The following CNTLN variants were observed in gnomAD, a reference collection of about 807,000 sequenced individuals.
CNTLN encodes centlein, centrosomal protein.
CNTLN carries 212 observed loss-of-function variants against 180.0 expected under a neutral mutation model. That is an observed-to-expected ratio of 1.18 (90% CI 1.05 to 1.32). The LOEUF is 1.32. Among genes scored for constraint, CNTLN ranks in the 40% most tolerant of loss-of-function variants. CNTLN has a pLI of 0.00. For missense variants in CNTLN, 2,095 were observed against 1,610.9 expected (o/e 1.30, Z -5.14); for synonymous variants, 722 against 563.1 (o/e 1.28, Z -3.99).
At chr9:17,453,586 C>T (rs995578997) in intron 18 of CNTLN, among the ~76,000 whole-genome samples, 7 of 152,148 alleles carry the variant, frequency 4.6e-5, no homozygotes, top group Admixed American at 1.3e-4. Flanking sequence ...ACAACATATG[C>T]ATTCGTTACC....
chr9:17,334,769 G>A (rs1564003932), intron 10 of CNTLN, among the ~76,000 whole-genome samples: 1 of 152,138 alleles, frequency 6.6e-6, no homozygotes, highest in Non-Finnish European at 1.5e-5. Context: ...AACTGCAAAA[G>A]GAAGGGAGCA....
chr9:17,161,064 A>G (rs1207573903), intron 2 of CNTLN, among the ~76,000 whole-genome samples: 2 of 152,160 alleles, frequency 1.3e-5, no homozygotes, highest in Non-Finnish European at 2.9e-5. Context: ...ATATTAATGT[A>G]ATTATTTGAT....
At chr9:17,208,490 G>T (rs2131941585) in intron 2 of CNTLN, among the ~76,000 whole-genome samples, 1 of 152,296 alleles carries the variant, frequency 6.6e-6, no homozygotes, top group Non-Finnish European at 1.5e-5. Context: ...CTTGTTGAAT[G>T]AATTTGGAAG....
At chr9:17,287,119 T>C (rs1279987277) in intron 6 of CNTLN, among the ~76,000 whole-genome samples, 4 of 123,088 alleles carry the variant, frequency 3.2e-5, no homozygotes. Context: ...TTTTTGCCCA[T>C]TCAGTATGAT....
At chr9:17,172,940 C>G (rs1341777065) in intron 2 of CNTLN, among the ~76,000 whole-genome samples, 2 of 152,008 alleles carry the variant, frequency 1.3e-5, no homozygotes, top group African/African-American at 4.8e-5. Context: ...CTCAGGGAAA[C>G]CTGAGGGAAA....
intron 13 of CNTLN, among the ~76,000 whole-genome samples, chr9:17,386,566 G>A (rs1380260289): frequency 2.6e-5 from 4 of 152,134 alleles, no homozygotes; most frequent in African/African-American, 9.7e-5. Flanking sequence ...CAGAAAATTG[G>A]ATCCTTGTTT....
At chr9:17,294,769 C>T (rs1171078239) in intron 6 of CNTLN, among the ~76,000 whole-genome samples, 6 of 71,170 alleles carry the variant, frequency 8.4e-5, no homozygotes, top group African/African-American at 3.4e-4. Context: ...GAGCCCACCG[C>T]GGGGGGAGTG....
At chr9:17,234,196 C>T (rs1454624536) in intron 3 of CNTLN, among the ~76,000 whole-genome samples, 1 of 152,134 alleles carries the variant, frequency 6.6e-6, no homozygotes, top group African/African-American at 2.4e-5. Flanking sequence ...GTGGCTCACA[C>T]CTGTTATCTC....
chr9:17,452,540 T>C (rs78836846), intron 18 of CNTLN, among the ~76,000 whole-genome samples: 2,818 of 152,328 alleles, frequency 0.018, 86 homozygotes, highest in African/African-American at 0.064. Context: ...AGCTTCCTGT[T>C]TTGTTTCTTC....
intron 2 of CNTLN, among the ~76,000 whole-genome samples, chr9:17,189,809 C>G (rs1016529302): frequency 2.6e-5 from 4 of 152,010 alleles, no homozygotes; most frequent in East Asian, 1.9e-4. Context: ...TATGATCGTT[C>G]TGGGGACTGT....
At chr9:17,178,594 G>C (rs146563813) in intron 2 of CNTLN, among the ~76,000 whole-genome samples, 5 of 152,084 alleles carry the variant, frequency 3.3e-5, no homozygotes, top group Non-Finnish European at 7.4e-5. Flanking sequence ...GCTAAGGCCC[G>C]GTGAGAAATC....
At chr9:17,345,826 T>G (rs1411708008) in intron 12 of CNTLN, among the ~76,000 whole-genome samples, 2 of 152,116 alleles carry the variant, frequency 1.3e-5, no homozygotes, top group African/African-American at 4.8e-5. Context: ...AATTTATGTA[T>G]GGGTAAATAT....
Position 17,298,203 on chromosome 9 carries a change from G to C in CNTLN, c.997G>C (p.Glu333Gln), listed in dbSNP as rs1483841963. The C allele has an allele frequency of 1.3e-6, 2 of 1,523,714 alleles. No individual in the cohort carries two copies. Among genetic ancestry groups the C allele is most frequent in the Non-Finnish European group, 1.8e-6 (2 of 1,136,702 alleles). 94.4% of individuals were successfully genotyped at this position (1,523,714 alleles called of 1,614,324 possible). ...TGCTTTGCACAGGAAGGAACTGCAG[G>C]AGCTGCAGAATCTTTACAAACAGAA... ...DITLVRKELQ[E>Q]LQNLYKQNST... Residue 333 changes from glutamate to glutamine, a missense_variant, in exon 7 of 26, where the codon GAG becomes CAG. Transcript: ENST00000380647.
intron 13 of CNTLN, among the ~76,000 whole-genome samples, chr9:17,368,803 A>C (rs1000841749): frequency 6.6e-6 from 1 of 152,208 alleles, no homozygotes. Flanking sequence ...TGGGGTGCCC[A>C]CTAATGCAGA....
At chr9:17,284,816 T>C (rs942790058) in intron 6 of CNTLN, among the ~76,000 whole-genome samples, 5 of 152,080 alleles carry the variant, frequency 3.3e-5, no homozygotes, top group East Asian at 1.9e-4. Flanking sequence ...GTTTATTTGC[T>C]CTTGGTTCTC....
chr9:17,406,838 A>C (rs868818066), intron 15 of CNTLN, among the ~76,000 whole-genome samples: 1 of 151,818 alleles, frequency 6.6e-6, no homozygotes, highest in South Asian at 2.1e-4. Flanking sequence ...CATCACTAAG[A>C]CACGTCTCCC....
intron 23 of CNTLN, among the ~76,000 whole-genome samples, chr9:17,467,923 A>G (rs769978784): frequency 6.6e-6 from 1 of 151,682 alleles, no homozygotes; most frequent in Non-Finnish European, 1.5e-5. Context: ...TCCTTCTACC[A>G]TAAAGACACA....
intron 5 of CNTLN, among the ~76,000 whole-genome samples, chr9:17,246,062 G>C (rs985674469): frequency 1.3e-4 from 20 of 151,984 alleles, no homozygotes; most frequent in African/African-American, 4.8e-4. Context: ...CATTTGGTGA[G>C]GTCATGTTTT....
At chr9:17,381,623 TAA>T (rs1364661739) in intron 13 of CNTLN, among the ~76,000 whole-genome samples, 3 of 152,174 alleles carry the variant, frequency 2.0e-5, no homozygotes, top group Non-Finnish European at 4.4e-5. Flanking sequence ...GCACCCCACT[TAA>T]AGTTACCAAT....
Sources: gnomAD v4.1 joint callset for allele counts (sites outside exome capture counted in the v4.1 genomes callset) on GRCh38, gnomAD v4.1.1 for gene constraint, MANE v1.5 for transcripts, NCBI Gene and HGNC (gene_info 2026-07-23, HGNC 2026-07-21) for gene names.